CCDC6: variants seen among roughly 807,000 people sequenced by gnomAD.
CCDC6 encodes coiled-coil domain containing 6.
CCDC6 carries 20 observed loss-of-function variants against 56.6 expected under a neutral mutation model. That is an observed-to-expected ratio of 0.35 (90% CI 0.25 to 0.51). CCDC6 has a LOEUF of 0.51. Ranked by LOEUF, CCDC6 falls within the 20% of genes least tolerant of loss-of-function variation. The probability of loss-of-function intolerance (pLI) is 0.95; values close to 1 mark genes in which losing one functional copy is unlikely to be tolerated. For synonymous variants in CCDC6, 241 were observed against 234.4 expected, an observed-to-expected ratio of 1.03 and a Z score of -0.26; for missense variants, 367 against 601.1, an observed-to-expected ratio of 0.61 and a Z score of 4.07.
intron 2 of CCDC6, among the ~76,000 whole-genome samples, chr10:59,851,815 G>A (rs1167566120): frequency 6.6e-6 from 1 of 151,940 alleles, no homozygotes; most frequent in Non-Finnish European, 1.5e-5. Flanking sequence ...GACAAGCTAT[G>A]TTAAATAATG....
intron 1 of CCDC6, among the ~76,000 whole-genome samples, chr10:59,881,435 G>A (rs1018736497): frequency 1.3e-5 from 2 of 152,116 alleles, no homozygotes; most frequent in African/African-American, 2.4e-5. Flanking sequence ...GTCCCAGAAG[G>A]GGCATAACGA....
Position 59,801,662 on chromosome 10 carries a change from G to A in CCDC6, c.1105+2758C>T, listed in dbSNP as rs114732491. On this transcript the variant is annotated intron_variant, in intron 7 of 8. Coordinates refer to ENST00000263102, the MANE Select transcript of CCDC6 (RefSeq NM_005436.5). The stretch of plus-strand genomic sequence containing the variant: ...ACGTATATTATCTGGAATTCTCTCC[G>A]TGAGGATCTGTGTCTTCTCCCTTGT... 7.2e-3 allele frequency among the ~76,000 whole-genome samples: 1,102 copies of A among 152,182 alleles called. 17 individuals carry two copies. Among genetic ancestry groups the A allele is most frequent in the African/African-American group, 0.025 (1,054 of 41,516 alleles).
intron 1 of CCDC6, among the ~76,000 whole-genome samples, chr10:59,871,468 T>TA (rs138741485): frequency 6.6e-4 from 65 of 98,476 alleles, no homozygotes; most frequent in Non-Finnish European, 7.9e-4. Context: ...TAATACTCAT[T>TA]AAAAAAAAAA....
At chr10:59,841,723 G>A (rs1007185435) in intron 2 of CCDC6, among the ~76,000 whole-genome samples, 6 of 150,876 alleles carry the variant, frequency 4.0e-5, no homozygotes, top group Admixed American at 2.0e-4. Context: ...GCTGGAGTGC[G>A]TTGGCGTGAT....
At chr10:59,835,452 G>A (rs1214738169) in intron 2 of CCDC6, among the ~76,000 whole-genome samples, 1 of 152,174 alleles carries the variant, frequency 6.6e-6, no homozygotes, top group East Asian at 1.9e-4. Flanking sequence ...AATTTTAGGA[G>A]GCATTTTCCT....
At position 59,806,929 on chromosome 10, in the gene CCDC6, C is replaced by T; in HGVS notation, c.997G>A (p.Asp333Asn). 2 of 1,613,636 alleles carry T rather than the reference C, an allele frequency of 1.2e-6. No individual in the cohort carries two copies. The highest frequency in any genetic ancestry group is 1.7e-6 in the Non-Finnish European group (2 of 1,179,826). Residue 333 changes from aspartate to asparagine, a missense_variant, in exon 6 of 9, where the codon GAC becomes AAC. By Grantham distance (23) the Asp-to-Asn change is conservative. Coordinates refer to ENST00000263102, the MANE Select transcript of CCDC6 (RefSeq NM_005436.5). ...CATAAGACATGCACACACCTTTCGT[C>T]GTCCATTTCTAAGCTGGACTCACTC... is the stretch of plus-strand genomic sequence containing the variant. ...SESESSLEMD[D>N]ERYFNEMSAQ... is the part of the protein sequence containing the mutation.
chr10:59,852,460 G>T, intron 2 of CCDC6, 93 bp downstream of exon 2: 1 of 1,042,456 alleles, frequency 9.6e-7, no homozygotes, highest in Non-Finnish European at 1.4e-6. Context: ...AACCTCATCA[G>T]CAAATGTTAC....
chr10:59,866,561 C>T (rs937715583), intron 1 of CCDC6, among the ~76,000 whole-genome samples: 2 of 152,212 alleles, frequency 1.3e-5, no homozygotes, highest in South Asian at 2.1e-4. Flanking sequence ...TTCCTGGCAA[C>T]ATGGCAGGCT....
intron 1 of CCDC6, among the ~76,000 whole-genome samples, chr10:59,869,429 G>GAAAAAA (rs71006295): frequency 9.7e-6 from 1 of 103,060 alleles, no homozygotes; most frequent in African/African-American, 3.7e-5. Flanking sequence ...ACAGAAAAAA[G>GAAAAAA]AAAAAAAAAA....
At position 59,796,215 on chromosome 10, in the gene CCDC6, C is replaced by T. The variant is rs573408619; in HGVS notation, c.1106-1618G>A. 2.6e-3 allele frequency among the ~76,000 whole-genome samples: 389 copies of T among 151,954 alleles called. 3 individuals are homozygous for T. Among genetic ancestry groups the T allele is most frequent in the African/African-American group, 9.1e-3 (377 of 41,366 alleles). On this transcript the variant is annotated intron_variant, in intron 7 of 8. Transcript: ENST00000263102. The stretch of plus-strand genomic sequence containing the variant: ...CTCACTGTGGTTTTGATTTGCATTT[C>T]TCTGATGGCCAGTGATGGTGAGCAT...
At chr10:59,904,189 T>C (rs1399480846) in intron 1 of CCDC6, among the ~76,000 whole-genome samples, 2 of 47,240 alleles carry the variant, frequency 4.2e-5, no homozygotes, top group African/African-American at 7.8e-5. Context: ...TGGATGTCAG[T>C]GTAGTTAAGG....
chr10:59,871,616 C>T lies in CCDC6; in HGVS notation c.304-18914G>A, dbSNP rs115971491. Reference sequence around the variant, plus strand: ...GCCTGGAGCAGATAAAAAGATACAGCGCTAGCTAATCAGGAGACCTTAGCC... The same window carrying T: ...GCCTGGAGCAGATAAAAAGATACAGTGCTAGCTAATCAGGAGACCTTAGCC... On this transcript the variant is annotated intron_variant, in intron 1 of 8. Coordinates refer to ENST00000263102, the MANE Select transcript of CCDC6 (RefSeq NM_005436.5). Among the ~76,000 whole-genome samples, 978 of 152,142 alleles carry T rather than the reference C, an allele frequency of 6.4e-3. 11 individuals carry two copies. The highest frequency in any genetic ancestry group is 0.023 in the African/African-American group (942 of 41,494).
At chr10:59,868,952 C>A (rs1366381510) in intron 1 of CCDC6, among the ~76,000 whole-genome samples, 1 of 149,070 alleles carries the variant, frequency 6.7e-6, no homozygotes, top group Admixed American at 6.6e-5. Flanking sequence ...TGCTTTGCGG[C>A]CTTTTGTTCT....
At chr10:59,793,218 G>C in intron 8 of CCDC6, 107 bp from the exon 9 acceptor site, 1 of 805,144 alleles carries the variant, frequency 1.2e-6, no homozygotes, top group Non-Finnish European at 2.0e-6. Flanking sequence ...AACCAACAAA[G>C]ACAAGAAACC....
intron 1 of CCDC6, among the ~76,000 whole-genome samples, chr10:59,869,890 T>C (rs1177635775): frequency 6.6e-6 from 1 of 152,122 alleles, no homozygotes; most frequent in African/African-American, 2.4e-5. Flanking sequence ...TTCCCACACA[T>C]GCCACACTCA....
intron 2 of CCDC6, among the ~76,000 whole-genome samples, chr10:59,848,791 G>A (rs1354969566): frequency 6.6e-6 from 1 of 152,162 alleles, no homozygotes; most frequent in Non-Finnish European, 1.5e-5. Context: ...TCGGCTCACT[G>A]CAACCTCTGC....
chr10:59,797,044 T>C (rs922011012), intron 7 of CCDC6, among the ~76,000 whole-genome samples: 2 of 151,492 alleles, frequency 1.3e-5, no homozygotes, highest in African/African-American at 2.4e-5. Context: ...AAATGTGATA[T>C]ATATAGACAT....
chr10:59,906,123 A>G lies in CCDC6; in HGVS notation c.302T>C (p.Ile101Thr). The change falls in exon 1 of 9, where the codon ATC (isoleucine) becomes ACC (threonine). Residue 101 changes from isoleucine to threonine, a missense_variant and splice_region_variant. Transcript: ENST00000263102. ...NRDLRKASVTIQARAEQEEEF... is the reference protein window; with the variant it reads ...NRDLRKASVTTQARAEQEEEF... ...GGCGCGTCCCCGGGGGGCACTCACG[A>G]TGGTCACGCTGGCTTTGCGCAGGTC... 6.3e-7 allele frequency: 1 copy of G among 1,588,450 alleles called. No homozygotes were observed. Among genetic ancestry groups the G allele is most frequent in the Non-Finnish European group, 8.6e-7 (1 of 1,164,330 alleles).
chr10:59,869,429 G>GAAA (rs71006295), intron 1 of CCDC6, among the ~76,000 whole-genome samples: 1 of 103,068 alleles, frequency 9.7e-6, no homozygotes, highest in African/African-American at 3.7e-5. Context: ...ACAGAAAAAA[G>GAAA]AAAAAAAAAA....
Sources: gnomAD v4.1 joint callset for allele counts (sites outside exome capture counted in the v4.1 genomes callset) on GRCh38, gnomAD v4.1.1 for gene constraint, MANE v1.5 for transcripts, NCBI Gene and HGNC (gene_info 2026-07-23, HGNC 2026-07-21) for gene names.